RASGRF1: variants seen among roughly 807,000 people sequenced by gnomAD.
The protein encoded by RASGRF1 is ras-specific guanine nucleotide-releasing factor 1.
RASGRF1 carries 40 observed loss-of-function variants against 138.7 expected under a neutral mutation model. That is an observed-to-expected ratio of 0.29 (90% CI 0.22 to 0.38). The LOEUF (loss-of-function observed/expected upper bound fraction) is 0.38, where lower values mean the gene tolerates loss of function less well. Among genes scored for constraint, RASGRF1 ranks in the 10% least tolerant of loss-of-function variants. The probability of loss-of-function intolerance (pLI) is 1.00; values close to 1 mark genes in which losing one functional copy is unlikely to be tolerated. For missense variants in RASGRF1, 1,108 were observed against 1,650.4 expected (o/e 0.67, Z 5.69); for synonymous variants, 614 against 663.2 (o/e 0.93, Z 1.14).
At chr15:78,980,986 A>G (rs2056014683) in intron 23 of RASGRF1, 1 of 288,608 alleles carries the variant, frequency 3.5e-6, no homozygotes, top group South Asian at 1.4e-4. Context: ...GGATCCCGAG[A>G]CCTGGGCAGT....
intron 26 of RASGRF1, 57 bp downstream of exon 26, chr15:78,971,809 G>A: frequency 6.8e-7 from 1 of 1,460,690 alleles, no homozygotes; most frequent in Non-Finnish European, 9.6e-7. Flanking sequence ...GGTGGAAGGT[G>A]GCCTAGACAG....
chr15:79,084,705 T>C (rs2057956918), intron 1 of RASGRF1, among the ~76,000 whole-genome samples: 1 of 152,226 alleles, frequency 6.6e-6, no homozygotes, highest in Non-Finnish European at 1.5e-5. Context: ...CTTGGGCTTC[T>C]CAAATGTGAC....
At chr15:79,057,176 T>A (rs1357245382) in intron 3 of RASGRF1, among the ~76,000 whole-genome samples, 1 of 152,028 alleles carries the variant, frequency 6.6e-6, no homozygotes, top group Admixed American at 6.5e-5. Flanking sequence ...CAGGCTGGGG[T>A]CCAGTGTGCG....
In RASGRF1 at chr15:79,046,726, C is replaced by T; in HGVS notation, c.878+20G>A. ...TCACTAGTCTCCTTCCTGCCTTGGC[C>T]AACCTTTAGGGGTGCTCACCTGTTC... On this transcript the variant is annotated intron_variant, in intron 5 of 26. Transcript: ENST00000558480. The surrounding 1 kb of genome is among the most constrained non-coding windows in gnomAD (Gnocchi z 5.3). 1 of 1,610,826 alleles carries T rather than the reference C, an allele frequency of 6.2e-7. No individual in the cohort carries two copies. The highest frequency in any genetic ancestry group is 8.5e-7 in the Non-Finnish European group (1 of 1,177,036).
At chr15:78,967,261 A>T (rs954076789) in intron 26 of RASGRF1, among the ~76,000 whole-genome samples, 1 of 151,738 alleles carries the variant, frequency 6.6e-6, no homozygotes, top group Non-Finnish European at 1.5e-5. Context: ...AAACAAAAAA[A>T]CAGGCCAGGT....
chr15:78,986,629 G>C (rs1407903832), intron 22 of RASGRF1, among the ~76,000 whole-genome samples: 1 of 152,042 alleles, frequency 6.6e-6, no homozygotes, highest in Non-Finnish European at 1.5e-5. Context: ...TTACAGGTGT[G>C]AGCCACCGCG....
rs1276209364 is a variant in RASGRF1 at position 79,006,440 on chromosome 15, AG to A, written c.1827-7del. ...AATATAAGGAGGCGTCGGACCTGAG[AG>A]GGGAGGAAGGATGCAGAGGTGATGT... On this transcript the variant is annotated splice_polypyrimidine_tract_variant and splice_region_variant and intron_variant, in intron 13 of 26. Transcript: ENST00000558480. The surrounding 1 kb of genome is among the most constrained non-coding windows in gnomAD (Gnocchi z 4.0). 1 of 1,607,908 alleles carries A rather than the reference AG, an allele frequency of 6.2e-7. No homozygotes were observed. Among genetic ancestry groups the A allele is most frequent in the Non-Finnish European group, 8.5e-7 (1 of 1,177,942 alleles).
chr15:78,980,509 G>A lies in RASGRF1; in HGVS notation c.3494+111C>T, dbSNP rs537208025. The stretch of plus-strand genomic sequence containing the variant: ...CTAGGGGTCTTGTGGGTAGACAGAC[G>A]AACAGACAGACAGAAAGACCTCCTG... On this transcript the variant is annotated intron_variant, in intron 24 of 26. Transcript: ENST00000558480. The A allele has an allele frequency of 1.1e-4, 87 of 801,028 alleles. 1 individual carries two copies. The South Asian group carries it at 1.5e-3, about 14-fold the overall frequency. The allele number at this position is 801,028 out of a possible 1,614,324, so 49.6% of individuals were successfully genotyped here. A position where few individuals can be genotyped will look rare whatever the true frequency, so the allele number is the denominator to read the frequency against.
chr15:79,013,847 G>A (rs1020740945), intron 13 of RASGRF1, among the ~76,000 whole-genome samples: 4 of 152,302 alleles, frequency 2.6e-5, no homozygotes, highest in Non-Finnish European at 4.4e-5. Flanking sequence ...TCTGGGGATT[G>A]TTCAAACAAA....
intron 19 of RASGRF1, chr15:78,997,838 G>A: frequency 2.0e-6 from 1 of 506,658 alleles, no homozygotes; most frequent in Non-Finnish European, 3.5e-6. Context: ...GACACACATG[G>A]AGAAGTGTGC....
At chr15:79,005,298 T>G (rs2056645814) in intron 14 of RASGRF1, 1 of 985,618 alleles carries the variant, frequency 1.0e-6, no homozygotes, top group Non-Finnish European at 1.2e-6. Flanking sequence ...GTGAGGTTCC[T>G]GGGGAGCCCT....
chr15:79,045,515 T>G (rs2057344890), intron 5 of RASGRF1, among the ~76,000 whole-genome samples: 1 of 152,218 alleles, frequency 6.6e-6, no homozygotes, highest in East Asian at 1.9e-4. Context: ...GCCCTGTGAT[T>G]TGGTCTCGAA....
chr15:78,978,737 T>C (rs2055941069), intron 24 of RASGRF1: 14 of 1,107,236 alleles, frequency 1.3e-5, no homozygotes, highest in East Asian at 6.5e-5. Flanking sequence ...GTGAAAACCT[T>C]AGAGCCTCAG....
intron 12 of RASGRF1, among the ~76,000 whole-genome samples, chr15:79,016,985 C>T (rs1171766657): frequency 6.6e-6 from 1 of 152,200 alleles, no homozygotes; most frequent in Admixed American, 6.5e-5. Context: ...GAGAGGATGG[C>T]CAAGGCTCCC....
chr15:79,001,710 TTGG>T lies in RASGRF1; in HGVS notation c.2524_2526del (p.Pro842del), dbSNP rs1567490648. On this transcript the variant is annotated inframe_deletion, in exon 16 of 27. Transcript: ENST00000558480. ...GATTTGGGTGTTGTTGGAGATTTAG[TTGG>T]TGATGTTTCAGTATCACCATCATCA... is the stretch of plus-strand genomic sequence containing the variant. 1 of 1,610,486 alleles carries T rather than the reference TTGG, an allele frequency of 6.2e-7. No homozygotes were observed. The highest frequency in any genetic ancestry group is 2.2e-5 in the East Asian group (1 of 44,862).
chr15:79,036,022 TC>T (rs1186782055), intron 5 of RASGRF1, among the ~76,000 whole-genome samples: 2 of 152,030 alleles, frequency 1.3e-5, no homozygotes, highest in Non-Finnish European at 2.9e-5. Context: ...TGCCCGGCCT[TC>T]CCCCCAACCC....
intron 5 of RASGRF1, among the ~76,000 whole-genome samples, chr15:79,039,136 C>CA (rs1258051075): frequency 2.2e-5 from 3 of 135,730 alleles, no homozygotes; most frequent in African/African-American, 7.8e-5. Context: ...CCCGTCTCTA[C>CA]AAAAAATAAA....
At chr15:79,086,586 C>A (rs928548780) in intron 1 of RASGRF1, among the ~76,000 whole-genome samples, 1 of 146,108 alleles carries the variant, frequency 6.8e-6, no homozygotes, top group African/African-American at 2.6e-5. Flanking sequence ...CCCCCCCCCC[C>A]CAGCTTCTGG....
At position 79,046,663 on chromosome 15, in the gene RASGRF1, C is replaced by T. The variant is rs540250001; in HGVS notation, c.878+83G>A. 1.1e-5 allele frequency: 17 copies of T among 1,574,564 alleles called. No individual in the cohort carries two copies. The highest frequency in any genetic ancestry group is 2.7e-5 in the African/African-American group (2 of 74,524). On this transcript the variant is annotated intron_variant, in intron 5 of 26. Transcript: ENST00000558480. This position sits in a 1 kb window ranked among gnomAD's most constrained non-coding sequence, Gnocchi z 5.3. Reference sequence around the variant, plus strand: ...CCTCATCTGCACTCGGTGGGAACCACGTGAGAGAGTGTGTCAAAGCTTAGC... The same window carrying T: ...CCTCATCTGCACTCGGTGGGAACCATGTGAGAGAGTGTGTCAAAGCTTAGC...
Sources: allele counts gnomAD v4.1 joint callset (sites outside exome capture counted in the v4.1 genomes callset), GRCh38; gene constraint gnomAD v4.1.1; non-coding constraint Gnocchi (gnomAD v3.1); transcripts MANE v1.5; gene names NCBI Gene and HGNC (gene_info 2026-07-23, HGNC 2026-07-21).